PLEKHD1: variants seen among roughly 807,000 people sequenced by gnomAD.
The protein encoded by PLEKHD1 is pleckstrin homology domain-containing family D member 1.
Under a neutral mutation model 69.2 loss-of-function variants are expected in PLEKHD1, and 51 were observed. The ratio of observed to expected loss-of-function variants is 0.74; its 90% CI spans 0.59 to 0.93. The LOEUF is 0.93. Ranked by LOEUF, PLEKHD1 falls within the 40% of genes least tolerant of loss-of-function variation. The pLI, the probability that PLEKHD1 is intolerant of heterozygous loss-of-function variation, is 0.00. For missense variants in PLEKHD1, 584 were observed against 641.0 expected, an observed-to-expected ratio of 0.91 and a Z score of 0.96; for synonymous variants, 236 against 244.7, an observed-to-expected ratio of 0.96 and a Z score of 0.33.
At chr14:69,489,192 A>G (rs1160281881) in intron 1 of PLEKHD1, among the ~76,000 whole-genome samples, 1 of 152,228 alleles carries the variant, frequency 6.6e-6, no homozygotes, top group Admixed American at 6.5e-5. Context: ...TCCAGCTTGC[A>G]GAGAGTTCAG....
chr14:69,525,282 A>G (rs1883618164), intron 8 of PLEKHD1, among the ~76,000 whole-genome samples: 1 of 152,086 alleles, frequency 6.6e-6, no homozygotes, highest in African/African-American at 2.4e-5. Context: ...CGCATGAATT[A>G]CCTTCAAGGC....
At chr14:69,467,998 A>G in the PLEKHD1 span, among the ~76,000 whole-genome samples, 22 of 152,200 alleles carry the variant, frequency 1.4e-4, no homozygotes, top group Non-Finnish European at 2.5e-4. Context: ...CCTCATCTTG[A>G]TACACAGCCT....
At chr14:69,500,827 C>G in intron 3 of PLEKHD1, 44 bp from the exon 4 acceptor site, 1 of 1,548,466 alleles carries the variant, frequency 6.5e-7, no homozygotes, top group African/African-American at 1.4e-5. Flanking sequence ...TCACCCTCAG[C>G]GTGGCTGCCT....
At chr14:69,475,712 C>T in the PLEKHD1 span, among the ~76,000 whole-genome samples, 14 of 152,298 alleles carry the variant, frequency 9.2e-5, no homozygotes, top group South Asian at 1.9e-3. Flanking sequence ...TACTCCCCAG[C>T]GCACCCAGAG....
intron 4 of PLEKHD1, 152 bp downstream of exon 4, chr14:69,501,099 GT>G: frequency 1.3e-6 from 1 of 772,142 alleles, no homozygotes; most frequent in Non-Finnish European, 2.1e-6. Context: ...GACAGGCCAG[GT>G]TTTAGAGCAT....
intron 1 of PLEKHD1, among the ~76,000 whole-genome samples, chr14:69,495,750 C>T (rs893161527): frequency 1.3e-5 from 2 of 152,218 alleles, no homozygotes; most frequent in African/African-American, 4.8e-5. Flanking sequence ...GCTGGAAACA[C>T]CTTACCTCTC....
At chr14:69,477,119 C>G in the PLEKHD1 span, among the ~76,000 whole-genome samples, 1 of 152,164 alleles carries the variant, frequency 6.6e-6, no homozygotes, top group East Asian at 1.9e-4. Context: ...TCAAGCAATT[C>G]TCCCGCCTCA....
the PLEKHD1 span, among the ~76,000 whole-genome samples, chr14:69,474,983 C>A: frequency 6.6e-6 from 1 of 152,176 alleles, no homozygotes; most frequent in South Asian, 2.1e-4. Flanking sequence ...AGCCTCCCAA[C>A]GCTCTGGGAT....
upstream of PLEKHD1, among the ~76,000 whole-genome samples, chr14:69,481,709 T>C (rs1230593894): frequency 3.3e-5 from 5 of 152,264 alleles, no homozygotes; most frequent in African/African-American, 4.8e-5. Flanking sequence ...AATATGTATG[T>C]ACCTCATAGG....
chr14:69,472,124 G>A, the PLEKHD1 span, among the ~76,000 whole-genome samples: 930 of 152,118 alleles, frequency 6.1e-3, 13 homozygotes, highest in African/African-American at 0.022. Flanking sequence ...CACACACAGC[G>A]ATGGTCACAT....
In PLEKHD1 at chr14:69,500,678, TC is replaced by T; in HGVS notation, c.333+13del. On this transcript the variant is annotated intron_variant, in intron 3 of 12. Coordinates refer to ENST00000322564, the MANE Select transcript of PLEKHD1 (RefSeq NM_001161498.2). ...ACCAGGACTTCCATGTGAGTAAAGC[TC>T]TTCCCTCAGCCTGGGCTCCGCAGGA... The T allele has an allele frequency of 6.5e-7, 1 of 1,550,334 alleles. No homozygotes were observed. The highest frequency in any genetic ancestry group is 2.4e-5 in the East Asian group (1 of 40,914).
the PLEKHD1 span, among the ~76,000 whole-genome samples, chr14:69,471,444 A>G: frequency 6.6e-6 from 1 of 152,048 alleles, no homozygotes; most frequent in South Asian, 2.1e-4. Flanking sequence ...ACCAAGGCAC[A>G]TCTCTGAAGC....
intron 9 of PLEKHD1, among the ~76,000 whole-genome samples, 197 bp downstream of exon 9, chr14:69,526,319 A>G (rs1321433195): frequency 2.0e-5 from 3 of 152,208 alleles, no homozygotes; most frequent in African/African-American, 7.2e-5. Flanking sequence ...CTTGATAATT[A>G]TCTTGTGCAA....
intron 6 of PLEKHD1, among the ~76,000 whole-genome samples, chr14:69,512,676 T>C (rs1462307396): frequency 5.9e-5 from 9 of 152,184 alleles, no homozygotes; most frequent in African/African-American, 2.2e-4. Context: ...AATCTTCAAG[T>C]ATTTTGTGGA....
intron 1 of PLEKHD1, among the ~76,000 whole-genome samples, chr14:69,491,657 T>G (rs1594974133): frequency 6.6e-6 from 1 of 152,118 alleles, no homozygotes; most frequent in Non-Finnish European, 1.5e-5. Context: ...ATACCTGTGG[T>G]TCTAGATAAC....
chr14:69,502,943 G>A, intron 6 of PLEKHD1, 64 bp downstream of exon 6: 1 of 1,533,334 alleles, frequency 6.5e-7, no homozygotes, highest in Non-Finnish European at 8.8e-7. Context: ...TAGCACTAGG[G>A]AATGATGCAG....
chr14:69,491,126 C>A (rs535087745), intron 1 of PLEKHD1, among the ~76,000 whole-genome samples: 7 of 152,270 alleles, frequency 4.6e-5, no homozygotes, highest in African/African-American at 1.7e-4. Flanking sequence ...AAACTAGTTT[C>A]TTGGTTGATG....
intron 6 of PLEKHD1, among the ~76,000 whole-genome samples, chr14:69,517,210 C>T (rs1226423825): frequency 6.6e-6 from 1 of 151,998 alleles, no homozygotes; most frequent in Non-Finnish European, 1.5e-5. Flanking sequence ...TGAGGTGAAG[C>T]ATGAATCCCA....
intron 6 of PLEKHD1, among the ~76,000 whole-genome samples, chr14:69,504,730 G>T (rs1478462739): frequency 1.3e-5 from 2 of 152,128 alleles, no homozygotes; most frequent in Non-Finnish European, 2.9e-5. Flanking sequence ...AAAAGAATGG[G>T]GATTTGTATT....
Sources: allele counts gnomAD v4.1 joint callset (sites outside exome capture counted in the v4.1 genomes callset), GRCh38; gene constraint gnomAD v4.1.1; transcripts MANE v1.5; gene names NCBI Gene and HGNC (gene_info 2026-07-23, HGNC 2026-07-21).